The following TMC2 variants were observed in gnomAD, a reference collection of about 807,000 sequenced individuals.
TMC2 encodes the protein transmembrane channel like 2.
Under a neutral mutation model 105.9 loss-of-function variants are expected in TMC2, and 102 were observed. The observed-to-expected ratio is 0.96, with a 90% CI of 0.82 to 1.14. The LOEUF (loss-of-function observed/expected upper bound fraction) is 1.14, where lower values mean the gene tolerates loss of function less well. TMC2 is among the 50% of genes most tolerant of loss of function. TMC2 has a pLI of 0.00. For synonymous variants in TMC2, 402 were observed against 422.8 expected, an observed-to-expected ratio of 0.95 and a Z score of 0.60; for missense variants, 1,093 against 1,134.3, an observed-to-expected ratio of 0.96 and a Z score of 0.52.
intron 2 of TMC2, among the ~76,000 whole-genome samples, chr20:2,540,150 C>T (rs1380489047): frequency 1.3e-5 from 2 of 151,742 alleles, no homozygotes; most frequent in African/African-American, 4.8e-5. Context: ...GCCACCACGC[C>T]CAGCTAATTT....
intron 8 of TMC2, among the ~76,000 whole-genome samples, chr20:2,593,805 A>G (rs1329723665): frequency 6.6e-6 from 1 of 151,870 alleles, no homozygotes; most frequent in African/African-American, 2.4e-5. Flanking sequence ...CCTACCTCAA[A>G]TTTTCATTGA....
Position 2,558,866 on chromosome 20 carries a change from C to T in TMC2, c.401+92C>T, listed in dbSNP as rs1031430353. 1 of 1,328,076 alleles carries T rather than the reference C, an allele frequency of 7.5e-7. No homozygotes were observed. Among genetic ancestry groups the T allele is most frequent in the Non-Finnish European group, 1.0e-6 (1 of 989,990 alleles). The allele number at this position is 1,328,076 out of a possible 1,614,324, so 82.3% of individuals were successfully genotyped here. A position where few individuals can be genotyped will look rare whatever the true frequency, so the allele number is the denominator to read the frequency against. ...TCCCCCGTGAGGGACTGATGCCCCC[C>T]TCCCCGGGGAGAGGCAGCCCGTGCC... On this transcript the variant is annotated intron_variant, in intron 3 of 19. Transcript: ENST00000358864. The surrounding 1 kb of genome is among the most constrained non-coding windows in gnomAD (Gnocchi z 4.6).
chr20:2,545,186 G>A (rs2085915174), intron 2 of TMC2, among the ~76,000 whole-genome samples: 2 of 152,104 alleles, frequency 1.3e-5, no homozygotes, highest in African/African-American at 4.8e-5. Context: ...CACTCTGGGT[G>A]GTAGAGCAAG....
At chr20:2,600,023 C>T (rs959186631) in intron 10 of TMC2, among the ~76,000 whole-genome samples, 9 of 152,214 alleles carry the variant, frequency 5.9e-5, no homozygotes, top group Non-Finnish European at 7.3e-5. Context: ...GGAGCTGACT[C>T]TGTCTCCTCT....
intron 16 of TMC2, among the ~76,000 whole-genome samples, chr20:2,621,846 C>A (rs1399110026): frequency 6.6e-6 from 1 of 152,128 alleles, no homozygotes; most frequent in African/African-American, 2.4e-5. Flanking sequence ...AGACTTCTGG[C>A]CTCCAGAACT....
At chr20:2,626,733 T>C (rs2086567176) in intron 17 of TMC2, among the ~76,000 whole-genome samples, 1 of 152,232 alleles carries the variant, frequency 6.6e-6, no homozygotes, top group Non-Finnish European at 1.5e-5. Flanking sequence ...ATCCTTACTA[T>C]TGAGCACAGT....
At chr20:2,567,427 G>T (rs73087347) in intron 4 of TMC2, among the ~76,000 whole-genome samples, 40 of 152,264 alleles carry the variant, frequency 2.6e-4, no homozygotes, top group Non-Finnish European at 4.7e-4. Flanking sequence ...AAAAGTCCAG[G>T]TTTCAATTAA....
At chr20:2,611,890 A>ATGGC (rs2086442897) in intron 12 of TMC2, among the ~76,000 whole-genome samples, 1 of 117,682 alleles carries the variant, frequency 8.5e-6, no homozygotes, top group South Asian at 2.5e-4. Flanking sequence ...GGGTGGGTGG[A>ATGGC]TGGATGGATG....
At chr20:2,600,874 C>A (rs1251984114) in intron 10 of TMC2, among the ~76,000 whole-genome samples, 4 of 150,568 alleles carry the variant, frequency 2.7e-5, no homozygotes, top group Non-Finnish European at 5.9e-5. Context: ...GTAATCCCAG[C>A]TACTCAGGAG....
At chr20:2,539,008 T>G (rs370328990) in intron 2 of TMC2, among the ~76,000 whole-genome samples, 10 of 152,192 alleles carry the variant, frequency 6.6e-5, no homozygotes, top group African/African-American at 2.4e-4. Context: ...ATGAGAACTC[T>G]CCCTCCTCCT....
At chr20:2,622,443 G>A (rs1314427194) in intron 16 of TMC2, among the ~76,000 whole-genome samples, 2 of 152,170 alleles carry the variant, frequency 1.3e-5, no homozygotes, top group African/African-American at 2.4e-5. Context: ...CAAAGCAGGT[G>A]GATCACCTGA....
intron 7 of TMC2, among the ~76,000 whole-genome samples, chr20:2,589,325 G>GTGTGTGTGTGTGTGTGTGTGTGTGT: frequency 3.5e-5 from 1 of 28,690 alleles, no homozygotes; most frequent in South Asian, 1.0e-3. Context: ...TGTGTGTGTG[G>GTGTGTGTGTGTGTGTGTGTGTGTGT]AGATGGGGTT....
intron 5 of TMC2, among the ~76,000 whole-genome samples, chr20:2,574,531 T>C (rs1351442099): frequency 6.6e-6 from 1 of 152,236 alleles, no homozygotes; most frequent in Non-Finnish European, 1.5e-5. Flanking sequence ...TTTTATAGAA[T>C]ACCTTGAAAT....
intron 7 of TMC2, among the ~76,000 whole-genome samples, chr20:2,586,984 G>A (rs2086236022): frequency 1.3e-5 from 2 of 151,892 alleles, no homozygotes; most frequent in Non-Finnish European, 2.9e-5. Context: ...TTTTTTACTG[G>A]TTTTTAGTAT....
At position 2,565,687 on chromosome 20, in the gene TMC2, A is replaced by G. The variant is rs144764794; in HGVS notation, c.554+3677A>G. Among the ~76,000 whole-genome samples the G allele has an allele frequency of 7.1e-3, 1,080 of 152,272 alleles. 16 individuals carry two copies. Among genetic ancestry groups the G allele is most frequent in the Middle Eastern group, 0.017 (5 of 294 alleles). On this transcript the variant is annotated intron_variant, in intron 4 of 19. Coordinates refer to ENST00000358864, the MANE Select transcript of TMC2 (RefSeq NM_080751.3). ...TTAGAAATAGTAGTGTGGGGGCCCC[A>G]TTCTCTGGCCCAGTCAGGCACTGGC...
At chr20:2,589,512 A>G (rs892075897) in intron 7 of TMC2, among the ~76,000 whole-genome samples, 1 of 152,090 alleles carries the variant, frequency 6.6e-6, no homozygotes, top group Non-Finnish European at 1.5e-5. Flanking sequence ...AAATCAACGA[A>G]TAACTCATGG....
At chr20:2,630,961 A>G (rs6138610) in intron 17 of TMC2, among the ~76,000 whole-genome samples, 114,851 of 152,144 alleles carry the variant, frequency 0.75, 43,494 homozygotes, top group East Asian at 0.87. Context: ...CAATAAGTTA[A>G]CATTTATGTC....
chr20:2,572,446 G>T lies in TMC2; in HGVS notation c.645+177G>T, dbSNP rs115867936. Among the ~76,000 whole-genome samples the T allele has an allele frequency of 1.9e-3, 291 of 152,230 alleles. 1 individual carries two copies. Among genetic ancestry groups the T allele is most frequent in the Middle Eastern group, 6.8e-3 (2 of 294 alleles). ...TAGGCATGGAAACCAATCGTATCCT[G>T]CCAATTTCTCCATACTTACTGTGAG... On this transcript the variant is annotated intron_variant, in intron 5 of 19. Coordinates refer to ENST00000358864, the MANE Select transcript of TMC2 (RefSeq NM_080751.3).
At chr20:2,637,654 T>C (rs910951239) in intron 19 of TMC2, 63 bp downstream of exon 19, 12 of 1,097,730 alleles carry the variant, frequency 1.1e-5, no homozygotes, top group Admixed American at 1.9e-5. Context: ...AAAGAGCCTA[T>C]GAAACAGCGT....
Sources: allele counts gnomAD v4.1 joint callset (sites outside exome capture counted in the v4.1 genomes callset), GRCh38; gene constraint gnomAD v4.1.1; non-coding constraint Gnocchi (gnomAD v3.1); transcripts MANE v1.5; gene names NCBI Gene and HGNC (gene_info 2026-07-23, HGNC 2026-07-21).